ANAPC7: variants seen among roughly 807,000 people sequenced by gnomAD.
The protein encoded by ANAPC7 is anaphase promoting complex subunit 7.
In ANAPC7, 25 loss-of-function variants were observed where a neutral mutation model predicts 63.3. The ratio of observed to expected loss-of-function variants is 0.39; its 90% CI spans 0.29 to 0.55. ANAPC7 has a LOEUF of 0.55. Among genes scored for constraint, ANAPC7 ranks in the 20% least tolerant of loss-of-function variants. ANAPC7 has a pLI of 0.57. For synonymous variants in ANAPC7, 241 were observed against 251.7 expected, an observed-to-expected ratio of 0.96 and a Z score of 0.40; for missense variants, 516 against 691.7, an observed-to-expected ratio of 0.75 and a Z score of 2.85.
chr12:110,373,970 G>C lies in ANAPC7; in HGVS notation c.*174C>G. On this transcript the variant is annotated 3_prime_UTR_variant, in exon 11 of 11. Transcript: ENST00000455511. ...TGGAGATACATGGAAGGTTGGTCAGGCTCTGTTTTAGAAATGAAGTCACGA... is the reference window on the plus strand; with the variant it reads ...TGGAGATACATGGAAGGTTGGTCAGCCTCTGTTTTAGAAATGAAGTCACGA... 1.5e-6 allele frequency: 1 copy of C among 663,440 alleles called. No individual in the cohort carries two copies. Among genetic ancestry groups the C allele is most frequent in the South Asian group, 3.3e-5 (1 of 30,374 alleles). The allele number at this position is 663,440 out of a possible 1,614,324, so 41.1% of individuals were successfully genotyped here. A position where few individuals can be genotyped will look rare whatever the true frequency, so the allele number is the denominator to read the frequency against.
intron 1 of ANAPC7, 123 bp downstream of exon 1, chr12:110,403,404 C>A: frequency 9.0e-7 from 1 of 1,115,446 alleles, no homozygotes; most frequent in East Asian, 2.6e-5. Context: ...CCTCGCAGAC[C>A]CCGGAGCCTC....
chr12:110,402,801 T>C (rs1262721991), intron 1 of ANAPC7, among the ~76,000 whole-genome samples: 1 of 150,222 alleles, frequency 6.7e-6, no homozygotes, highest in East Asian at 2.0e-4. Context: ...AATGATGCGA[T>C]CACGGCTCAC....
rs202155296 is a variant in ANAPC7, at chr12:110,381,058, CA to C, written c.1132+693del. Among the ~76,000 whole-genome samples the C allele has an allele frequency of 1.8e-3, 175 of 98,270 alleles. 3 individuals carry two copies. Among genetic ancestry groups the C allele is most frequent in the South Asian group, 0.011 (34 of 3,216 alleles). 64.5% of individuals were successfully genotyped at this position (98,270 alleles called of 152,430 possible). On this transcript the variant is annotated intron_variant, in intron 8 of 10. Coordinates refer to ENST00000455511, the MANE Select transcript of ANAPC7 (RefSeq NM_016238.3). ...TGGATGGGGGCGAGCGGTGGGAGGA[CA>C]AAAAAAAAAAACCCCATCCCAACTA...
chr12:110,399,811 AG>A (rs1243972376), intron 1 of ANAPC7, among the ~76,000 whole-genome samples: 1 of 145,760 alleles, frequency 6.9e-6, no homozygotes, highest in Admixed American at 6.9e-5. Flanking sequence ...AAAAAAAAAA[AG>A]GGGCCAGGCG....
rs1301011120 is a variant in ANAPC7, at chr12:110,382,455, AAAAAAAATATATATATATATATATAT to A, written c.935+362_935+387del. Among the ~76,000 whole-genome samples, 11 of 70,468 alleles carry A rather than the reference AAAAAAAATATATATATATATATATAT, an allele frequency of 1.6e-4. 1 individual carries two copies. The highest frequency in any genetic ancestry group is 4.3e-4 in the African/African-American group (7 of 16,414). The allele number at this position is 70,468 out of a possible 152,430, so 46.2% of individuals were successfully genotyped here. On this transcript the variant is annotated intron_variant, in intron 7 of 10. Transcript: ENST00000455511. ...GATTATCCTTTTAAAAAAAAAAAAA[AAAAAAAATATATATATATATATATAT>A]ATATATATATATATTTATAGAGACA...
At chr12:110,382,450 AAAAAAAAAAAAATATAT>A (rs1309856459) in intron 7 of ANAPC7, among the ~76,000 whole-genome samples, 40 of 81,146 alleles carry the variant, frequency 4.9e-4, no homozygotes, top group African/African-American at 2.1e-3. Flanking sequence ...TTAAAAAAAA[AAAAAAAAAAAAATATAT>A]ATATATATAT....
At position 110,381,935 on chromosome 12, in the gene ANAPC7, A is replaced by C. The variant is rs1881882528; in HGVS notation, c.949T>G (p.Tyr317Asp). The C allele has an allele frequency of 9.4e-7, 1 of 1,064,884 alleles. No homozygotes were observed. The highest frequency in any genetic ancestry group is 1.3e-6 in the Non-Finnish European group (1 of 742,312). 66.0% of individuals were successfully genotyped at this position (1,064,884 alleles called of 1,614,324 possible). The change falls in exon 8 of 11, where the codon TAT (tyrosine) becomes GAT (aspartate). Residue 317 changes from tyrosine (Y) to aspartate (D), a missense_variant. Tyr to Asp is a radical substitution (Grantham distance 160). Transcript: ENST00000455511. ...AGGGCCCGGGAGTAGCGTTTGCTAT[A>C]GAAGCTGTGACAGCTGGAGAAAAAA... ...PWVVSGCHSF[Y>D]SKRYSRALYL...
At chr12:110,377,925 G>T in intron 8 of ANAPC7, 1 of 737,520 alleles carries the variant, frequency 1.4e-6, no homozygotes, top group Non-Finnish European at 1.9e-6. Flanking sequence ...AAGAATAAAT[G>T]CGACACTAAT....
intron 6 of ANAPC7, chr12:110,383,341 G>A (rs922188011): frequency 5.6e-5 from 9 of 161,758 alleles, no homozygotes; most frequent in Admixed American, 1.2e-4. Flanking sequence ...GGGAGGCTGA[G>A]GCAGGAGGAT....
intron 2 of ANAPC7, among the ~76,000 whole-genome samples, chr12:110,395,468 G>A (rs1216028723): frequency 1.3e-5 from 2 of 151,788 alleles, no homozygotes; most frequent in East Asian, 1.9e-4. Flanking sequence ...CCACCATGCC[G>A]TTTTGTAAAG....
rs1301502825 is a variant in ANAPC7 at position 110,396,252 on chromosome 12, C to T, written c.288+14G>A. On this transcript the variant is annotated intron_variant, in intron 2 of 10. Transcript: ENST00000455511. ...AAAAAAAAAAAAAAAAATCACAATT[C>T]TATCTCCAATTACCTGACTTTGTGG... 8.6e-6 allele frequency: 13 copies of T among 1,504,978 alleles called. No homozygotes were observed. Among genetic ancestry groups the T allele is most frequent in the South Asian group, 6.0e-5 (5 of 83,164 alleles). 93.2% of individuals were successfully genotyped at this position (1,504,978 alleles called of 1,614,324 possible).
intron 6 of ANAPC7, among the ~76,000 whole-genome samples, chr12:110,383,622 C>T (rs1882143453): frequency 6.6e-6 from 1 of 151,888 alleles, no homozygotes. Context: ...GTGGTTCATG[C>T]CTGTAAACCC....
chr12:110,395,008 G>A, intron 3 of ANAPC7, 93 bp downstream of exon 3: 1 of 1,414,766 alleles, frequency 7.1e-7, no homozygotes, highest in South Asian at 1.5e-5. Context: ...TGGGTAAAAT[G>A]TTCACACGGA....
chr12:110,400,637 A>C (rs1242206421), intron 1 of ANAPC7, among the ~76,000 whole-genome samples: 5 of 152,130 alleles, frequency 3.3e-5, no homozygotes, highest in Non-Finnish European at 5.9e-5. Context: ...TTGGCAAATC[A>C]CTCAGAACCA....
chr12:110,376,213 C>G lies in ANAPC7; in HGVS notation c.1361G>C (p.Arg454Thr), dbSNP rs768772375. Residue 454 changes from arginine (R) to threonine (T), a missense_variant, in exon 10 of 11, where the codon AGA (arginine) becomes ACA (threonine). Physicochemically the swap from Arg to Thr is moderately conservative, Grantham distance 71 (BLOSUM62 -1). Coordinates refer to ENST00000455511, the MANE Select transcript of ANAPC7 (RefSeq NM_016238.3). The part of the protein sequence containing the change: ...AVVKKAELLS[R>T]EQKYEDGIAL... ...AATTCCATCTTCATATTTCTGTTCT[C>G]TGCCTGGGGGAATAAAAAAGACCCT... is the stretch of plus-strand genomic sequence containing the variant. The G allele has an allele frequency of 8.1e-6, 13 of 1,613,908 alleles. No homozygotes were observed. Among genetic ancestry groups the G allele is most frequent in the Non-Finnish European group, 2.5e-6 (3 of 1,179,996 alleles).
intron 1 of ANAPC7, among the ~76,000 whole-genome samples, chr12:110,399,340 T>C (rs1240077438): frequency 6.6e-6 from 1 of 151,716 alleles, no homozygotes; most frequent in East Asian, 2.0e-4. Flanking sequence ...ATTCTGTAGA[T>C]AGTTAATTTC....
intron 8 of ANAPC7, among the ~76,000 whole-genome samples, chr12:110,381,472 G>A (rs1272322170): frequency 6.6e-6 from 1 of 152,134 alleles, no homozygotes; most frequent in African/African-American, 2.4e-5. Context: ...AAGTAGCTGG[G>A]ACTACAGGTG....
intron 8 of ANAPC7, among the ~76,000 whole-genome samples, chr12:110,380,952 T>G (rs1881782044): frequency 6.9e-6 from 1 of 145,370 alleles, no homozygotes; most frequent in Non-Finnish European, 1.5e-5. Context: ...AAAAGAGGAG[T>G]AAGAGAAAAA....
At chr12:110,399,088 T>TCGG (rs1380398308) in intron 1 of ANAPC7, among the ~76,000 whole-genome samples, 93 of 149,388 alleles carry the variant, frequency 6.2e-4, no homozygotes, top group Non-Finnish European at 1.2e-3. Context: ...TGGCACAATC[T>TCGG]CGGCTCACTA....
Sources: gnomAD v4.1 joint callset for allele counts (sites outside exome capture counted in the v4.1 genomes callset) on GRCh38, gnomAD v4.1.1 for gene constraint, MANE v1.5 for transcripts, NCBI Gene and HGNC (gene_info 2026-07-23, HGNC 2026-07-21) for gene names.